CDH11: variants seen among roughly 807,000 people sequenced by gnomAD.
The protein encoded by CDH11 is cadherin 11.
Under a neutral mutation model 67.8 loss-of-function variants are expected in CDH11, and 11 were observed. That is an observed-to-expected ratio of 0.16 (90% CI 0.10 to 0.27). CDH11 has a LOEUF of 0.27. Ranked by LOEUF, CDH11 falls within the 10% of genes least tolerant of loss-of-function variation. The probability of loss-of-function intolerance (pLI) is 1.00; values close to 1 mark genes in which losing one functional copy is unlikely to be tolerated. For synonymous variants in CDH11, 419 were observed against 400.0 expected (o/e 1.05, Z -0.57); for missense variants, 847 against 1,031.2 (o/e 0.82, Z 2.45).
At chr16:65,077,337 C>T (rs1259786725) in intron 1 of CDH11, among the ~76,000 whole-genome samples, 1 of 152,182 alleles carries the variant, frequency 6.6e-6, no homozygotes, top group Non-Finnish European at 1.5e-5. Flanking sequence ...TGCTCTGAGC[C>T]TGGCATGAGG....
intron 2 of CDH11, among the ~76,000 whole-genome samples, chr16:65,034,503 ATGAG>A (rs1401679654): frequency 2.0e-5 from 3 of 152,146 alleles, no homozygotes; most frequent in Non-Finnish European, 4.4e-5. Context: ...TGCTGCAGCC[ATGAG>A]TACTAGGTTC....
Position 65,004,752 on chromosome 16 carries a change from C to T in CDH11, c.118G>A (p.Glu40Lys). 1 of 1,613,238 alleles carries T rather than the reference C, an allele frequency of 6.2e-7. No individual in the cohort carries two copies. Among genetic ancestry groups the T allele is most frequent in the Non-Finnish European group, 8.5e-7 (1 of 1,179,760 alleles). ...AGCACCTGCCCCTCCTTGCCCTTCT[C>T]ATGGTGCCCATGGAAGGAGGGCCGC... is the stretch of plus-strand genomic sequence containing the variant. Reference protein sequence around the residue: ...HLRPSFHGHHEKGKEGQVLQR... With the variant: ...HLRPSFHGHHKKGKEGQVLQR... Residue 40 changes from glutamate to lysine, a missense_variant, in exon 3 of 13, where the codon GAG (glutamate) becomes AAG (lysine). Coordinates refer to ENST00000268603, the MANE Select transcript of CDH11 (RefSeq NM_001797.4).
chr16:64,951,286 G>C (rs1381319258), intron 11 of CDH11, among the ~76,000 whole-genome samples: 4 of 152,168 alleles, frequency 2.6e-5, no homozygotes, highest in African/African-American at 7.2e-5. Flanking sequence ...CAAGAGCAAA[G>C]CAGAAAATGA....
At chr16:65,049,223 T>G (rs2074015234) in intron 2 of CDH11, among the ~76,000 whole-genome samples, 1 of 152,174 alleles carries the variant, frequency 6.6e-6, no homozygotes, top group Non-Finnish European at 1.5e-5. Context: ...AGTAGAGATT[T>G]AGGACATTGC....
At chr16:65,098,400 G>A (rs1003296155) in intron 1 of CDH11, among the ~76,000 whole-genome samples, 3 of 152,104 alleles carry the variant, frequency 2.0e-5, no homozygotes, top group African/African-American at 7.2e-5. Context: ...GGAGCAGCTG[G>A]CCAGACTGAC....
In CDH11 at chr16:64,947,076, T is replaced by C. The variant is rs1255385068; in HGVS notation, c.*527A>G. 7.7e-6 allele frequency: 8 copies of C among 1,033,384 alleles called. No homozygotes were observed. The highest frequency in any genetic ancestry group is 8.2e-6 in the Non-Finnish European group (7 of 858,586). The allele number at this position is 1,033,384 out of a possible 1,614,324, so 64.0% of individuals were successfully genotyped here. The stretch of plus-strand genomic sequence containing the variant: ...TTTACAAGAATCAGCAGTAACAAGA[T>C]TGATGCTCAAGAGACATAATTGTAC... On this transcript the variant is annotated 3_prime_UTR_variant, in exon 13 of 13. Transcript: ENST00000268603.
intron 1 of CDH11, among the ~76,000 whole-genome samples, chr16:65,070,652 C>T (rs991448706): frequency 7.2e-5 from 11 of 152,182 alleles, no homozygotes; most frequent in Non-Finnish European, 1.6e-4. Context: ...GAAACCCCTG[C>T]TAAGACTGAA....
intron 1 of CDH11, among the ~76,000 whole-genome samples, chr16:65,068,423 A>G (rs112061717): frequency 2.6e-5 from 1 of 38,934 alleles, no homozygotes; most frequent in African/African-American, 1.1e-4. Flanking sequence ...GAAAAAAAAA[A>G]AAAAAAAAAA....
intron 8 of CDH11, among the ~76,000 whole-genome samples, chr16:64,975,022 C>T (rs1015075977): frequency 6.6e-6 from 1 of 152,124 alleles, no homozygotes; most frequent in African/African-American, 2.4e-5. Flanking sequence ...CACTATGTGG[C>T]CCCAGCTTGT....
intron 11 of CDH11, among the ~76,000 whole-genome samples, chr16:64,970,605 T>A (rs2071979308): frequency 6.6e-6 from 1 of 152,222 alleles, no homozygotes; most frequent in Non-Finnish European, 1.5e-5. Flanking sequence ...GTATTTATGG[T>A]ACTGATGATA....
rs1449070961 is a variant in CDH11 at position 65,121,995 on chromosome 16, G to A, written c.-413C>T. On this transcript the variant is annotated 5_prime_UTR_variant, in exon 1 of 13. Coordinates refer to ENST00000268603, the MANE Select transcript of CDH11 (RefSeq NM_001797.4). This position sits in a 1 kb window ranked among gnomAD's most constrained non-coding sequence, Gnocchi z 4.1. ...TCCCATTCACAAGTCAGCGGCGGCT[G>A]CGAGCGGCCCCCGCGGCATCTGCTC... 1.4e-6 allele frequency: 1 copy of A among 700,452 alleles called. No individual in the cohort carries two copies. Among genetic ancestry groups the A allele is most frequent in the Non-Finnish European group, 2.6e-6 (1 of 384,008 alleles). 43.4% of individuals were successfully genotyped at this position (700,452 alleles called of 1,614,324 possible).
intron 2 of CDH11, among the ~76,000 whole-genome samples, chr16:65,006,477 T>C (rs973396103): frequency 1.9e-4 from 29 of 152,174 alleles, no homozygotes; most frequent in African/African-American, 6.0e-4. Flanking sequence ...CACTTCCATA[T>C]TTTACAATCT....
intron 1 of CDH11, among the ~76,000 whole-genome samples, chr16:65,065,835 T>C (rs930136999): frequency 3.9e-5 from 6 of 152,152 alleles, no homozygotes; most frequent in Non-Finnish European, 8.8e-5. Context: ...GCCCTCAAGG[T>C]CTCCTTGGAT....
At chr16:65,093,439 C>T (rs1045302757) in intron 1 of CDH11, among the ~76,000 whole-genome samples, 4 of 151,978 alleles carry the variant, frequency 2.6e-5, no homozygotes, top group East Asian at 1.9e-4. Flanking sequence ...CTCAGTGGCT[C>T]TGAGCCTAAT....
rs1276921571 is a variant in CDH11 at position 64,991,860 on chromosome 16, TC to T, written c.718del (p.Asp240ThrfsTer15). The T allele has an allele frequency of 6.2e-7, 1 of 1,613,774 alleles. No homozygotes were observed. The highest frequency in any genetic ancestry group is 1.3e-5 in the African/African-American group (1 of 74,914). Reference protein sequence around the residue: ...EEYHVVIQAKDMGGHMGGLSG... With the variant: ...EEYHVVIQAKXMGGHMGGLSG... Reference sequence around the variant, plus strand: ...GAGTCCGCCCATATGTCCACCCATGTCCTTGGCCTGGATCACCACGTGGTAC... The same window carrying T: ...GAGTCCGCCCATATGTCCACCCATGTCTTGGCCTGGATCACCACGTGGTAC... On this transcript the variant is annotated frameshift_variant, in exon 6 of 13. Transcript: ENST00000268603. LOFTEE classifies it high-confidence loss of function.
chr16:65,122,393 C>G (rs923896777), upstream of CDH11: 2 of 193,832 alleles, frequency 1.0e-5, no homozygotes, highest in Non-Finnish European at 2.1e-5. Context: ...GCTCCAGGGA[C>G]GCACAGCCAA....
Position 64,979,503 on chromosome 16 carries a change from T to C in CDH11, c.1253+2545A>G, listed in dbSNP as rs116327392. 2.5e-3 allele frequency among the ~76,000 whole-genome samples: 386 copies of C among 152,072 alleles called. 4 individuals carry two copies. The highest frequency in any genetic ancestry group is 0.017 in the Middle Eastern group (5 of 294). On this transcript the variant is annotated intron_variant, in intron 8 of 12. Coordinates refer to ENST00000268603, the MANE Select transcript of CDH11 (RefSeq NM_001797.4). ...TTGGTGTCACTAGTCATTATGAAAA[T>C]ACAAATCAAAACTATAATGATATAT...
At chr16:65,115,847 G>A (rs1350834494) in intron 1 of CDH11, among the ~76,000 whole-genome samples, 1 of 152,142 alleles carries the variant, frequency 6.6e-6, no homozygotes, top group Non-Finnish European at 1.5e-5. Flanking sequence ...GGCCAAGGCA[G>A]GAAGATTGCT....
chr16:65,084,238 C>G (rs1255826267), intron 1 of CDH11, among the ~76,000 whole-genome samples: 1 of 152,194 alleles, frequency 6.6e-6, no homozygotes, highest in Non-Finnish European at 1.5e-5. Flanking sequence ...TCTCTAATCC[C>G]TGCACTTTGG....
Sources: allele counts gnomAD v4.1 joint callset (sites outside exome capture counted in the v4.1 genomes callset), GRCh38; gene constraint gnomAD v4.1.1; non-coding constraint Gnocchi (gnomAD v3.1); transcripts MANE v1.5; gene names NCBI Gene and HGNC (gene_info 2026-07-23, HGNC 2026-07-21).